Variants in PON3 observed in about 807,000 individuals in gnomAD.
The protein encoded by PON3 is serum paraoxonase/lactonase 3.
Under a neutral mutation model 36.3 loss-of-function variants are expected in PON3, and 37 were observed. That is an observed-to-expected ratio of 1.02 (90% confidence interval 0.78 to 1.34). The LOEUF is 1.34. PON3 is among the 40% of genes most tolerant of loss of function. The probability of loss-of-function intolerance (pLI) is 0.00; values close to 1 mark genes in which losing one functional copy is unlikely to be tolerated. For missense variants in PON3, 415 were observed against 426.5 expected (o/e 0.97, Z 0.24); for synonymous variants, 155 against 154.8 (o/e 1.00, Z -0.01).
intron 3 of PON3, among the ~76,000 whole-genome samples, chr7:95,387,664 G>C (rs116306774): frequency 3.3e-5 from 5 of 151,874 alleles, no homozygotes; most frequent in African/African-American, 4.8e-5. Flanking sequence ...ATAAGGGCCC[G>C]CATAGCCAAG....
chr7:95,372,721 G>C (rs1238733361), intron 3 of PON3, among the ~76,000 whole-genome samples: 1 of 152,096 alleles, frequency 6.6e-6, no homozygotes, highest in East Asian at 1.9e-4. Flanking sequence ...ATTATTTCCG[G>C]TCCTGGTATT....
At chr7:95,368,423 C>T (rs888181069) in intron 4 of PON3, among the ~76,000 whole-genome samples, 14 of 152,232 alleles carry the variant, frequency 9.2e-5, no homozygotes, top group Admixed American at 1.3e-4. Context: ...AATCTTCCTT[C>T]TGGTCTGATC....
chr7:95,385,423 T>A (rs1372859942), intron 3 of PON3, among the ~76,000 whole-genome samples: 1 of 152,000 alleles, frequency 6.6e-6, no homozygotes, highest in African/African-American at 2.4e-5. Context: ...ATAAAGCAAG[T>A]CCTTAGAGAC....
intron 3 of PON3, among the ~76,000 whole-genome samples, chr7:95,376,912 C>G (rs1258031833): frequency 6.6e-6 from 1 of 152,208 alleles, no homozygotes; most frequent in African/African-American, 2.4e-5. Context: ...GTGGGTGCAG[C>G]CCATGGAGGG....
At chr7:95,379,645 G>A (rs773307231) in intron 3 of PON3, among the ~76,000 whole-genome samples, 12 of 152,324 alleles carry the variant, frequency 7.9e-5, no homozygotes, top group Middle Eastern at 6.8e-3. Flanking sequence ...AGGGAGCAGC[G>A]AGGCTGGGGG....
intron 2 of PON3, 73 bp from the exon 3 acceptor site, chr7:95,390,282 C>T (rs1177221245): frequency 2.5e-6 from 3 of 1,196,494 alleles, no homozygotes; most frequent in East Asian, 2.3e-5. Flanking sequence ...GTCCAAACTA[C>T]AAATATCTTT....
intron 3 of PON3, among the ~76,000 whole-genome samples, chr7:95,385,634 T>A (rs1035164778): frequency 1.3e-5 from 2 of 152,142 alleles, no homozygotes; most frequent in African/African-American, 2.4e-5. Flanking sequence ...CAGCACCACA[T>A]CGCACTTATT....
intron 1 of PON3, chr7:95,396,013 T>G: frequency 1.2e-5 from 6 of 499,630 alleles, no homozygotes; most frequent in South Asian, 2.2e-5. Context: ...TAAAAGGGGG[T>G]CATGACCTTC....
chr7:95,392,830 G>T (rs766269854), intron 2 of PON3, among the ~76,000 whole-genome samples: 1 of 152,152 alleles, frequency 6.6e-6, no homozygotes, highest in Non-Finnish European at 1.5e-5. Flanking sequence ...ACCTTAGCTG[G>T]AACACAGGGT....
intron 5 of PON3, among the ~76,000 whole-genome samples, chr7:95,366,214 G>A (rs1808689144): frequency 6.6e-6 from 1 of 152,156 alleles, no homozygotes; most frequent in African/African-American, 2.4e-5. Flanking sequence ...CTATGCTAAA[G>A]CAGTTGATCC....
chr7:95,367,237 A>C, intron 5 of PON3, 125 bp downstream of exon 5: 1 of 1,222,646 alleles, frequency 8.2e-7, no homozygotes, highest in South Asian at 1.3e-5. Context: ...ATCATTAGAA[A>C]GCTTTAGAAA....
At chr7:95,389,481 T>C (rs1003504) in intron 3 of PON3, among the ~76,000 whole-genome samples, 151,876 of 152,336 alleles carry the variant, frequency 1, 75,711 homozygotes, top group Middle Eastern at 1. Context: ...TATCCCCATT[T>C]CAAAATGCAA....
intron 6 of PON3, 153 bp downstream of exon 6, chr7:95,363,710 G>A: frequency 1.3e-6 from 1 of 778,134 alleles, no homozygotes; most frequent in South Asian, 1.5e-5. Flanking sequence ...GATTGCTTAG[G>A]ATGACAGATT....
Position 95,362,803 on chromosome 7 carries a change from T to A in PON3, c.734A>T (p.His245Leu). Reference protein sequence around the residue: ...YVADVAAKNIHIMEKHDNWDL... With the variant: ...YVADVAAKNILIMEKHDNWDL... ...CCAGTTATCATGTTTTTCCATTATG[T>A]GAATGTTCTTAGCTGCTACATCAGC... Residue 245 changes from histidine (H) to leucine (L), a missense_variant, in exon 7 of 9, where the codon CAC becomes CTC. Transcript: ENST00000265627. 1 of 1,612,236 alleles carries A rather than the reference T, an allele frequency of 6.2e-7. No homozygotes were observed. The highest frequency in any genetic ancestry group is 8.5e-7 in the Non-Finnish European group (1 of 1,178,400).
intron 8 of PON3, 135 bp downstream of exon 8, chr7:95,362,227 A>G (rs781417352): frequency 9.3e-5 from 108 of 1,164,576 alleles, no homozygotes; most frequent in Non-Finnish European, 1.3e-4. Flanking sequence ...CCTGTCAAAA[A>G]CTTTACTTTT....
chr7:95,370,483 T>G (rs1286721114), intron 4 of PON3, among the ~76,000 whole-genome samples: 1 of 152,228 alleles, frequency 6.6e-6, no homozygotes, highest in Non-Finnish European at 1.5e-5. Flanking sequence ...CCATTATATA[T>G]GAAAATAGTT....
intron 8 of PON3, among the ~76,000 whole-genome samples, chr7:95,361,976 T>C (rs941515349): frequency 1.3e-5 from 2 of 152,150 alleles, no homozygotes; most frequent in African/African-American, 4.8e-5. Context: ...CGACAGTTAT[T>C]TAAATCCTTT....
chr7:95,379,492 G>T (rs1166170870), intron 3 of PON3, among the ~76,000 whole-genome samples: 2 of 152,200 alleles, frequency 1.3e-5, no homozygotes, highest in African/African-American at 4.8e-5. Context: ...GGAAAATCAG[G>T]TCACTCCCAC....
Position 95,359,969 on chromosome 7 carries a change from G to C in PON3, c.*4C>G, listed in dbSNP as rs1274489515. On this transcript the variant is annotated 3_prime_UTR_variant, in exon 9 of 9. Transcript: ENST00000265627. The stretch of plus-strand genomic sequence containing the variant: ...TTTTTTTTTTTTTTTTTACTATCTA[G>C]AGTCTAGAGCTCACAGTACAGAGTT... 6.5e-7 allele frequency: 1 copy of C among 1,548,742 alleles called. No individual in the cohort carries two copies. The highest frequency in any genetic ancestry group is 8.8e-7 in the Non-Finnish European group (1 of 1,132,592).
Sources: allele counts gnomAD v4.1 joint callset (sites outside exome capture counted in the v4.1 genomes callset), GRCh38; gene constraint gnomAD v4.1.1; transcripts MANE v1.5; gene names NCBI Gene and HGNC (gene_info 2026-07-23, HGNC 2026-07-21).